Variants in PAQR6 observed in about 807,000 individuals in gnomAD.
The protein encoded by PAQR6 is membrane progestin receptor delta.
PAQR6 carries 34 observed loss-of-function variants against 36.2 expected under a neutral mutation model. That is an observed-to-expected ratio of 0.94 (90% CI 0.71 to 1.25). The LOEUF (loss-of-function observed/expected upper bound fraction) is 1.25. PAQR6 is among the 50% of genes most tolerant of loss of function. PAQR6 has a pLI of 0.00. For missense variants in PAQR6, 431 were observed against 445.7 expected, an observed-to-expected ratio of 0.97 and a Z score of 0.30; for synonymous variants, 190 against 190.7, an observed-to-expected ratio of 1.00 and a Z score of 0.03.
chr1:156,247,368 G>C (rs34612411), intron 1 of PAQR6: 1 of 152,430 alleles, frequency 6.6e-6, no homozygotes, highest in Non-Finnish European at 1.5e-5. Flanking sequence ...CCGGGTGGCC[G>C]CAGCTCTGCT....
intron 7 of PAQR6, 77 bp downstream of exon 7, chr1:156,244,684 A>G: frequency 1.2e-6 from 2 of 1,610,968 alleles, no homozygotes; most frequent in Non-Finnish European, 1.7e-6. Context: ...TGTAATACCC[A>G]TTTACCCAGT....
chr1:156,246,175 A>G lies in PAQR6; in HGVS notation c.127T>C (p.Phe43Leu). The G allele has an allele frequency of 6.2e-7, 1 of 1,613,598 alleles. No homozygotes were observed. The highest frequency in any genetic ancestry group is 8.5e-7 in the Non-Finnish European group (1 of 1,180,032). The change falls in exon 3 of 8, where the codon TTC becomes CTC. Residue 43 changes from phenylalanine to leucine, a missense_variant. Physicochemically the swap from Phe to Leu is conservative, Grantham distance 22 (BLOSUM62 0). Transcript: ENST00000292291. ...SSALDCVLSS[F>L]QMTNETVNIW... ...TTGACCGTCTCGTTGGTCATCTGGA[A>G]GGAGCTGAGGACACAGTCCAAAGCC...
chr1:156,245,195 T>C lies in PAQR6; in HGVS notation c.556A>G (p.Thr186Ala), dbSNP rs746940948. Reference sequence around the variant, plus strand: ...AGGAATGGATAGGCGAAGGCTCCTGTGCGGAGGACCTTACTGAGCCCAGGG... The same window carrying C: ...AGGAATGGATAGGCGAAGGCTCCTGCGCGGAGGACCTTACTGAGCCCAGGG... ...ESPGLSKVLR[T>A]GAFAYPFLFD... The change falls in exon 6 of 8, where the codon ACA becomes GCA. Residue 186 changes from threonine to alanine, a missense_variant. By Grantham distance (58) the Thr-to-Ala change is moderately conservative. Coordinates refer to ENST00000292291, the MANE Select transcript of PAQR6 (RefSeq NM_198406.3). 2 of 1,614,044 alleles carry C rather than the reference T, an allele frequency of 1.2e-6. No homozygotes were observed. The highest frequency in any genetic ancestry group is 1.7e-6 in the Non-Finnish European group (2 of 1,180,016).
Position 156,245,965 on chromosome 1 carries a change from C to A in PAQR6, c.202G>T (p.Ala68Ser). 6.5e-7 allele frequency: 1 copy of A among 1,545,444 alleles called. No homozygotes were observed. Among genetic ancestry groups the A allele is most frequent in the Non-Finnish European group, 8.7e-7 (1 of 1,147,080 alleles). ...PTWYFLWRLLALAGGPGFRAE... is the reference protein window; with the variant it reads ...PTWYFLWRLLSLAGGPGFRAE... ...CGGAAGCCGGGGCCGCCCGCCAGCG[C>A]CAGGAGCCGCCACAGGAAGTACCTG... The change falls in exon 4 of 8, where the codon GCG becomes TCG. Residue 68 changes from alanine to serine, a missense_variant. Coordinates refer to ENST00000292291, the MANE Select transcript of PAQR6 (RefSeq NM_198406.3).
chr1:156,244,745 C>T lies in PAQR6; in HGVS notation c.760+16G>A, dbSNP rs770801869. On this transcript the variant is annotated intron_variant, in intron 7 of 7. Coordinates refer to ENST00000292291, the MANE Select transcript of PAQR6 (RefSeq NM_198406.3). ...TGCCCCTGCCTCTTCCCGGGCCGGG[C>T]CAGGCGTGCCCTCACCGATGTAATC... 3 of 1,613,804 alleles carry T rather than the reference C, an allele frequency of 1.9e-6. No homozygotes were observed. The highest frequency in any genetic ancestry group is 1.7e-5 in the Admixed American group (1 of 60,026).
In PAQR6 at chr1:156,246,682, C is replaced by A; in HGVS notation, c.50G>T (p.Arg17Leu). 6.2e-7 allele frequency: 1 copy of A among 1,613,576 alleles called. No individual in the cohort carries two copies. Among genetic ancestry groups the A allele is most frequent in the Non-Finnish European group, 8.5e-7 (1 of 1,179,780 alleles). Residue 17 changes from arginine to leucine, a missense_variant and splice_region_variant, in exon 2 of 8, where the codon CGG becomes CTG. By Grantham distance (102) the Arg-to-Leu change is moderately radical. Transcript: ENST00000292291. ...PQLLQVHQVP[R>L]VFWEDGIMSG... ...GGGTCAGTGGGTGGAGCCCCTCACC[C>A]GGGGGACCTGGTGGACTTGAAGAAG...
Position 156,246,197 on chromosome 1 carries a change from A to G in PAQR6, c.105T>C (p.Ala35=). ...GGAAGGAGCTGAGGACACAGTCCAA[A>G]GCCGAGCTGGTGGGGCGGCGGTAGC... ...MSGYRRPTSS[A]LDCVLSSFQM... Residue 35 remains alanine, a synonymous_variant, in exon 3 of 8, where the codon GCT becomes GCC. Coordinates refer to ENST00000292291, the MANE Select transcript of PAQR6 (RefSeq NM_198406.3). 6.2e-7 allele frequency: 1 copy of G among 1,613,768 alleles called. No homozygotes were observed. The highest frequency in any genetic ancestry group is 8.5e-7 in the Non-Finnish European group (1 of 1,180,020).
intron 1 of PAQR6, 152 bp downstream of exon 1, chr1:156,247,805 G>A: frequency 3.1e-6 from 1 of 319,348 alleles, no homozygotes; most frequent in Non-Finnish European, 6.6e-6. Context: ...CTGGGGTCTA[G>A]CTGCCCTCAC....
intron 6 of PAQR6, 81 bp downstream of exon 6, chr1:156,245,059 TGA>T (rs1660123098): frequency 1.9e-6 from 3 of 1,602,246 alleles, no homozygotes; most frequent in Non-Finnish European, 2.6e-6. Flanking sequence ...AGGCAGGGAC[TGA>T]GGGGGCAGGG....
chr1:156,246,724 C>T lies in PAQR6; in HGVS notation c.8G>A (p.Ser3Asn). The T allele has an allele frequency of 6.2e-7, 1 of 1,613,828 alleles. No homozygotes were observed. The highest frequency in any genetic ancestry group is 8.5e-7 in the Non-Finnish European group (1 of 1,179,916). Residue 3 changes from serine to asparagine, a missense_variant, in exon 2 of 8, where the codon AGT (serine) becomes AAT (asparagine). Physicochemically the swap from Ser to Asn is conservative, Grantham distance 46. Transcript: ENST00000292291. ML[S>N]LKLPQLLQVH... ...TTGAAGAAGTTGGGGCAGCTTGAGACTGAGCATGGTGGCCTGGTACCTCCA... is the reference window on the plus strand; with the variant it reads ...TTGAAGAAGTTGGGGCAGCTTGAGATTGAGCATGGTGGCCTGGTACCTCCA...
intron 3 of PAQR6, 53 bp downstream of exon 3, chr1:156,246,070 T>C: frequency 6.2e-7 from 1 of 1,604,710 alleles, no homozygotes; most frequent in Non-Finnish European, 8.5e-7. Context: ...CCTGCCCGCC[T>C]GGGTACCCCC....
Position 156,245,606 on chromosome 1 carries a change from G to A in PAQR6, c.441C>T (p.His147=), listed in dbSNP as rs1268200526. The part of the protein sequence containing the change: ...YSMPASWLHG[H]LHQFFVPAAA... Reference sequence around the variant, plus strand: ...CGGCAGGCACAAAGAACTGGTGCAGGTGGCCGTGCAGCCAGGAGGCCGGCA... The same window carrying A: ...CGGCAGGCACAAAGAACTGGTGCAGATGGCCGTGCAGCCAGGAGGCCGGCA... Residue 147 remains histidine, a synonymous_variant, in exon 5 of 8, where the codon CAC becomes CAT. Coordinates refer to ENST00000292291, the MANE Select transcript of PAQR6 (RefSeq NM_198406.3). 2 of 1,613,272 alleles carry A rather than the reference G, an allele frequency of 1.2e-6. No homozygotes were observed. Among genetic ancestry groups the A allele is most frequent in the African/African-American group, 2.7e-5 (2 of 75,044 alleles).
At position 156,245,755 on chromosome 1, in the gene PAQR6, C is replaced by T. The variant is rs2540170; in HGVS notation, c.385+27G>A. ...CGCCCCGCTCCGGGACGCCCAGACC[C>T]CGCGCTCCCGCGCCTGTCCGGCTCA... On this transcript the variant is annotated intron_variant, in intron 4 of 7. Transcript: ENST00000292291. 1.1e-3 allele frequency: 1,798 copies of T among 1,571,876 alleles called. 11 individuals are homozygous for T. The African/African-American group carries it at 0.02, about 18-fold the overall frequency.
chr1:156,245,198 G>A lies in PAQR6; in HGVS notation c.553C>T (p.Arg185Cys), dbSNP rs773323431. 1.5e-5 allele frequency: 25 copies of A among 1,614,028 alleles called. No homozygotes were observed. Among genetic ancestry groups the A allele is most frequent in the East Asian group, 4.5e-5 (2 of 44,894 alleles). Residue 185 changes from arginine (R) to cysteine (C), a missense_variant, in exon 6 of 8, where the codon CGC (arginine) becomes TGC (cysteine). Coordinates refer to ENST00000292291, the MANE Select transcript of PAQR6 (RefSeq NM_198406.3). ...LESPGLSKVL[R>C]TGAFAYPFLF... ...AATGGATAGGCGAAGGCTCCTGTGC[G>A]GAGGACCTTACTGAGCCCAGGGCTT... is the stretch of plus-strand genomic sequence containing the variant.
At position 156,245,923 on chromosome 1, in the gene PAQR6, A is replaced by G. The variant is rs767643190; in HGVS notation, c.244T>C (p.Trp82Arg). Reference sequence around the variant, plus strand: ...GGCAGCAGGAAGACCAGCAGCGGCCAGTGGTACGGCTCCGCACGGAAGCCG... The same window carrying G: ...GGCAGCAGGAAGACCAGCAGCGGCCGGTGGTACGGCTCCGCACGGAAGCCG... ...GPGFRAEPYH[W>R]PLLVFLLPAC... Residue 82 changes from tryptophan to arginine, a missense_variant, in exon 4 of 8, where the codon TGG becomes CGG. Coordinates refer to ENST00000292291, the MANE Select transcript of PAQR6 (RefSeq NM_198406.3). 5.1e-6 allele frequency: 8 copies of G among 1,556,614 alleles called. No individual in the cohort carries two copies. The highest frequency in any genetic ancestry group is 1.9e-5 in the Admixed American group (1 of 51,406).
Position 156,245,132 on chromosome 1 carries a change from G to T in PAQR6, c.609+10C>A. 1 of 1,612,542 alleles carries T rather than the reference G, an allele frequency of 6.2e-7. No individual in the cohort carries two copies. Among genetic ancestry groups the T allele is most frequent in the South Asian group, 1.1e-5 (1 of 91,012 alleles). ...GCAGGAGTCTGGGCAGGGGCCCTAG[G>T]CCTCCTTACCCGATAAAAGAGTGGG... On this transcript the variant is annotated intron_variant, in intron 6 of 7. Transcript: ENST00000292291.
chr1:156,243,383 G>A lies in PAQR6; in HGVS notation c.*746C>T, dbSNP rs535875639. ...AGGGAGGTGTCAGGAGGATGGGGGT[G>A]AGGAGGTTTTACCTTCTTCAGTTCT... is the stretch of plus-strand genomic sequence containing the variant. On this transcript the variant is annotated 3_prime_UTR_variant, in exon 8 of 8. Transcript: ENST00000292291. 22 of 726,316 alleles carry A rather than the reference G, an allele frequency of 3.0e-5. 1 individual carries two copies. In the Admixed American group the frequency reaches 6.3e-4, roughly 21 times the overall value. The allele number at this position is 726,316 out of a possible 1,614,324, so 45.0% of individuals were successfully genotyped here.
Position 156,245,933 on chromosome 1 carries a change from C to T in PAQR6, c.234G>A (p.Glu78=). 6.5e-7 allele frequency: 1 copy of T among 1,546,882 alleles called. No homozygotes were observed. ...AGACCAGCAGCGGCCAGTGGTACGG[C>T]TCCGCACGGAAGCCGGGGCCGCCCG... ...ALAGGPGFRA[E]PYHWPLLVFL... is the part of the protein sequence containing the mutation. The change falls in exon 4 of 8, where the codon GAG becomes GAA. Residue 78 remains glutamate (E), a synonymous_variant. Transcript: ENST00000292291.
rs766745496 is a variant in PAQR6, at chr1:156,246,227, C to T, written c.75G>A (p.Met25Ile). The T allele has an allele frequency of 3.7e-6, 6 of 1,613,524 alleles. No individual in the cohort carries two copies. Among genetic ancestry groups the T allele is most frequent in the African/African-American group, 1.3e-5 (1 of 75,062 alleles). The change falls in exon 3 of 8, where the codon ATG (methionine) becomes ATA (isoleucine). Residue 25 changes from methionine (M) to isoleucine (I), a missense_variant. Coordinates refer to ENST00000292291, the MANE Select transcript of PAQR6 (RefSeq NM_198406.3). ...VPRVFWEDGI[M>I]SGYRRPTSSA... ...AGCTGGTGGGGCGGCGGTAGCCAGA[C>T]ATGATGCCATCTTCCCAGAACACCT...
Sources: gnomAD v4.1 joint callset for allele counts on GRCh38, gnomAD v4.1.1 for gene constraint, MANE v1.5 for transcripts, NCBI Gene and HGNC (gene_info 2026-07-23, HGNC 2026-07-21) for gene names.